Variants in NTM observed in about 807,000 individuals in gnomAD.
The protein encoded by NTM is IgLON family member 2.
Under a neutral mutation model 42.1 loss-of-function variants are expected in NTM, and 13 were observed. That is an observed-to-expected ratio of 0.31 (90% CI 0.20 to 0.49). NTM has a LOEUF of 0.49. NTM is among the 20% of genes least tolerant of loss of function. The pLI, the probability that NTM is intolerant of heterozygous loss-of-function variation, is 0.99. For synonymous variants in NTM, 187 were observed against 179.2 expected (o/e 1.04, Z -0.35); for missense variants, 373 against 452.8 (o/e 0.82, Z 1.60).
intron 2 of NTM, among the ~76,000 whole-genome samples, chr11:132,043,511 C>T (rs2077483660): frequency 6.6e-6 from 1 of 151,894 alleles, no homozygotes; most frequent in Non-Finnish European, 1.5e-5. Context: ...AAGCAAGAGA[C>T]CTGGGTGCAC....
At chr11:131,761,724 G>A (rs2084214688) in intron 1 of NTM, among the ~76,000 whole-genome samples, 1 of 152,026 alleles carries the variant, frequency 6.6e-6, no homozygotes, top group Non-Finnish European at 1.5e-5. Flanking sequence ...CAGGGGAATC[G>A]CTTGAACCTG....
intron 2 of NTM, among the ~76,000 whole-genome samples, chr11:132,004,113 G>T (rs897863764): frequency 6.6e-6 from 1 of 152,298 alleles, no homozygotes; most frequent in Non-Finnish European, 1.5e-5. Context: ...GGGAGGGAAG[G>T]GAAGAAAGGA....
intron 2 of NTM, among the ~76,000 whole-genome samples, chr11:132,130,657 A>G (rs2066647834): frequency 6.6e-6 from 1 of 152,132 alleles, no homozygotes; most frequent in Non-Finnish European, 1.5e-5. Context: ...AATCTCCTGG[A>G]CCTTTCCTCT....
At chr11:132,135,895 G>T (rs1425959507) in intron 2 of NTM, among the ~76,000 whole-genome samples, 4 of 152,192 alleles carry the variant, frequency 2.6e-5, no homozygotes, top group African/African-American at 9.6e-5. Flanking sequence ...CCCCAGCAAA[G>T]GTAGTGTCCT....
At chr11:132,299,383 A>C (rs2094753061) in intron 4 of NTM, among the ~76,000 whole-genome samples, 1 of 152,004 alleles carries the variant, frequency 6.6e-6, no homozygotes, top group African/African-American at 2.4e-5. Flanking sequence ...AAGTTGTTTG[A>C]GGAAGGGAAC....
rs537729422 is a variant in NTM at position 131,755,697 on chromosome 11, A to C, written c.83-155867A>C. ...TGTGTGGAAGGATTTTCTTTTGAAC[A>C]TGTTTTGCATTTTATAAAGCTATTC... On this transcript the variant is annotated intron_variant, in intron 1 of 8. Transcript: ENST00000683400. Among the ~76,000 whole-genome samples the C allele has an allele frequency of 4.6e-5, 7 of 152,330 alleles. No homozygotes were observed. The South Asian group carries it at 1.0e-3, about 23-fold the overall frequency.
intron 1 of NTM, among the ~76,000 whole-genome samples, chr11:131,380,490 C>T (rs527567623): frequency 1.3e-5 from 2 of 152,096 alleles, no homozygotes; most frequent in Non-Finnish European, 2.9e-5. Flanking sequence ...GGATTACAGG[C>T]GTGAGCTACC....
chr11:132,082,831 T>C (rs1435466824), intron 2 of NTM, among the ~76,000 whole-genome samples: 1 of 152,184 alleles, frequency 6.6e-6, no homozygotes, highest in Non-Finnish European at 1.5e-5. Context: ...TTTGATAGCC[T>C]GAAGCCAAGA....
chr11:132,335,318 A>G lies in NTM; in HGVS notation c.*172A>G. 2 of 701,198 alleles carry G rather than the reference A, an allele frequency of 2.9e-6. No individual in the cohort carries two copies. Among genetic ancestry groups the G allele is most frequent in the South Asian group, 4.1e-5 (2 of 49,236 alleles). The allele number at this position is 701,198 out of a possible 1,614,324, so 43.4% of individuals were successfully genotyped here. A position where few individuals can be genotyped will look rare whatever the true frequency, so the allele number is the denominator to read the frequency against. On this transcript the variant is annotated 3_prime_UTR_variant, in exon 9 of 9. Coordinates refer to ENST00000683400, the MANE Select transcript of NTM (RefSeq NM_001352005.2). ...GGGAACAAAGAATACTTTGGGGGGA[A>G]AAAAGTTTTAAAAAAGAAATTGAAA...
intron 1 of NTM, among the ~76,000 whole-genome samples, chr11:131,643,051 GAAA>G (rs34377077): frequency 3.0e-5 from 4 of 132,032 alleles, no homozygotes; most frequent in Non-Finnish European, 6.7e-5. Flanking sequence ...GAAAAAGAAT[GAAA>G]AAAAAAAAAA....
chr11:131,546,328 C>T (rs1315279859), intron 1 of NTM, among the ~76,000 whole-genome samples: 1 of 152,172 alleles, frequency 6.6e-6, no homozygotes, highest in African/African-American at 2.4e-5. Flanking sequence ...TCTCTTGGTC[C>T]GTGATCCTTG....
At chr11:131,772,820 C>A (rs1261511550) in intron 1 of NTM, among the ~76,000 whole-genome samples, 1 of 152,114 alleles carries the variant, frequency 6.6e-6, no homozygotes, top group Non-Finnish European at 1.5e-5. Context: ...GAATTTAAAC[C>A]AAATGCAAGA....
At chr11:131,839,250 C>T (rs2043923021) in intron 1 of NTM, among the ~76,000 whole-genome samples, 1 of 152,152 alleles carries the variant, frequency 6.6e-6, no homozygotes, top group South Asian at 2.1e-4. Context: ...GCGTGAGCCA[C>T]CATGCCTGGC....
Position 131,370,688 on chromosome 11 carries a change from C to T in NTM, c.-119C>T, listed in dbSNP as rs959356808. 3.6e-6 allele frequency: 3 copies of T among 834,264 alleles called. No homozygotes were observed. The African/African-American group carries it at 5.2e-5, about 14-fold the overall frequency. 51.7% of individuals were successfully genotyped at this position (834,264 alleles called of 1,614,324 possible). ...TCGGCTTTCTTGTTGTGTCCTTCAG[C>T]AAAACAGTGGATTTAAATCTCCTTG... On this transcript the variant is annotated 5_prime_UTR_variant, in exon 1 of 9. Transcript: ENST00000683400.
intron 1 of NTM, among the ~76,000 whole-genome samples, chr11:131,714,567 G>A (rs1466094939): frequency 1.3e-5 from 2 of 152,160 alleles, no homozygotes; most frequent in Non-Finnish European, 2.9e-5. Flanking sequence ...GAGAAACAGT[G>A]TAACAACTAC....
intron 4 of NTM, 99 bp downstream of exon 4, chr11:132,212,246 T>A: frequency 1.0e-6 from 1 of 956,050 alleles, no homozygotes; most frequent in Non-Finnish European, 1.6e-6. Context: ...TCCAGAGGAG[T>A]CTACGTTTTT....
At chr11:131,500,875 G>A (rs1001955851) in intron 1 of NTM, among the ~76,000 whole-genome samples, 17 of 151,252 alleles carry the variant, frequency 1.1e-4, no homozygotes, top group African/African-American at 4.1e-4. Flanking sequence ...TGCTGAGAAT[G>A]ATGGTTTCCA....
chr11:131,977,744 G>A (rs2064619951), intron 2 of NTM, among the ~76,000 whole-genome samples: 1 of 152,094 alleles, frequency 6.6e-6, no homozygotes, highest in Admixed American at 6.5e-5. Flanking sequence ...ATTAAGATCT[G>A]AAGGAGAAAC....
intron 1 of NTM, among the ~76,000 whole-genome samples, chr11:131,621,063 T>C (rs77048129): frequency 0.03 from 4,593 of 152,290 alleles, 214 homozygotes; most frequent in African/African-American, 0.1. Flanking sequence ...CTGAATGATG[T>C]AGCATGTGAG....
Sources: allele counts gnomAD v4.1 joint callset (sites outside exome capture counted in the v4.1 genomes callset), GRCh38; gene constraint gnomAD v4.1.1; transcripts MANE v1.5; gene names NCBI Gene and HGNC (gene_info 2026-07-23, HGNC 2026-07-21).